The following NBEAL1 variants were observed in gnomAD, a reference collection of about 807,000 sequenced individuals.
NBEAL1 encodes the protein neurobeachin like 1.
A neutral mutation model predicts 351.3 loss-of-function variants in NBEAL1; 273 were observed. The ratio of observed to expected loss-of-function variants is 0.78; its 90% confidence interval spans 0.70 to 0.86. NBEAL1 has a LOEUF of 0.86. Among genes scored for constraint, NBEAL1 ranks in the 40% least tolerant of loss-of-function variants. NBEAL1 has a pLI of 0.00. For missense variants in NBEAL1, 2,961 were observed against 3,201.3 expected (o/e 0.92, Z 1.81); for synonymous variants, 1,050 against 1,086.4 (o/e 0.97, Z 0.66).
intron 2 of NBEAL1, among the ~76,000 whole-genome samples, chr2:203,034,805 C>T (rs781292149): frequency 1.4e-4 from 21 of 148,820 alleles, no homozygotes; most frequent in Admixed American, 9.5e-4. Flanking sequence ...ATCAGAAAAA[C>T]TTGAGGGCTG....
Position 203,068,448 on chromosome 2 carries a change from A to G in NBEAL1, c.571A>G (p.Thr191Ala). The change falls in exon 7 of 56, where the codon ACA becomes GCA. Residue 191 changes from threonine to alanine, a missense_variant. Physicochemically the swap from Thr to Ala is moderately conservative, Grantham distance 58 (BLOSUM62 0). Coordinates refer to ENST00000683969, the MANE Select transcript of NBEAL1 (RefSeq NM_001378026.1). ...ACAGAAATATAAACCAGCTTCTCTC[A>G]CAGTGGAATTCGTCCCTTTCTTTTA... ...SRQKYKPASL[T>A]VEFVPFFYQC... 1 of 1,546,642 alleles carries G rather than the reference A, an allele frequency of 6.5e-7. No individual in the cohort carries two copies. The highest frequency in any genetic ancestry group is 1.4e-5 in the African/African-American group (1 of 73,080).
At chr2:203,193,717 C>T (rs1435432060) in intron 46 of NBEAL1, 78 bp from the exon 47 acceptor site, 1 of 903,908 alleles carries the variant, frequency 1.1e-6, no homozygotes, top group East Asian at 2.5e-5. Context: ...GTAGCTAGAG[C>T]CTAGTGTATA....
intron 39 of NBEAL1, among the ~76,000 whole-genome samples, 165 bp from the exon 40 acceptor site, chr2:203,171,763 C>A (rs1463802220): frequency 3.4e-5 from 5 of 148,248 alleles, no homozygotes; most frequent in African/African-American, 9.9e-5. Context: ...TTTTTAGAGA[C>A]CAATATTTTA....
chr2:203,036,324 A>G (rs1384251674), intron 2 of NBEAL1, among the ~76,000 whole-genome samples: 1 of 149,060 alleles, frequency 6.7e-6, no homozygotes, highest in Non-Finnish European at 1.5e-5. Context: ...TGTGTGTTAA[A>G]TACTTTATGA....
chr2:203,023,608 T>TC (rs2060803525), intron 2 of NBEAL1, among the ~76,000 whole-genome samples: 1 of 151,648 alleles, frequency 6.6e-6, no homozygotes, highest in African/African-American at 2.4e-5. Context: ...CTTGTGTGTT[T>TC]TTTTTTTTTC....
At chr2:203,027,986 C>T (rs1298227409) in intron 2 of NBEAL1, among the ~76,000 whole-genome samples, 3 of 152,026 alleles carry the variant, frequency 2.0e-5, no homozygotes, top group Non-Finnish European at 4.4e-5. Context: ...GGGGTTCAAA[C>T]AATTCTCCTG....
chr2:203,080,545 T>C (rs939236617), intron 8 of NBEAL1, among the ~76,000 whole-genome samples: 3 of 152,212 alleles, frequency 2.0e-5, no homozygotes, highest in Non-Finnish European at 4.4e-5. Flanking sequence ...TTAAAAAATA[T>C]ATTTTTATTC....
intron 24 of NBEAL1, among the ~76,000 whole-genome samples, chr2:203,128,957 G>A (rs2063011033): frequency 6.6e-6 from 1 of 152,184 alleles, no homozygotes; most frequent in Non-Finnish European, 1.5e-5. Flanking sequence ...AATTATAAAT[G>A]TGTGTCTAGT....
chr2:203,089,635 C>G (rs1389643029), intron 10 of NBEAL1, among the ~76,000 whole-genome samples: 1 of 152,122 alleles, frequency 6.6e-6, no homozygotes, highest in East Asian at 1.9e-4. Context: ...ACACACACAC[C>G]ACAAAATTAG....
chr2:203,034,210 T>G (rs2061001498), intron 2 of NBEAL1, among the ~76,000 whole-genome samples: 1 of 150,010 alleles, frequency 6.7e-6, no homozygotes, highest in African/African-American at 2.5e-5. Flanking sequence ...CAGGCTGGAG[T>G]GCAGTAGAGC....
rs1459568950 is a variant in NBEAL1, at chr2:203,172,764, G to A, written c.6234G>A (p.Glu2078=). The change falls in exon 41 of 56, where the codon GAG becomes GAA. Residue 2078 remains glutamate (E), a synonymous_variant. Coordinates refer to ENST00000683969, the MANE Select transcript of NBEAL1 (RefSeq NM_001378026.1). ...TTTTACAAGATTATACTTCGGAAGA[G>A]TTGGACCTTAATAACCCTGCTGTAT... ...PWILQDYTSE[E]LDLNNPAVFR... The A allele has an allele frequency of 6.2e-7, 1 of 1,612,164 alleles. No homozygotes were observed. Among genetic ancestry groups the A allele is most frequent in the Admixed American group, 1.7e-5 (1 of 59,902 alleles).
At chr2:203,119,803 T>C (rs1012953447) in intron 18 of NBEAL1, among the ~76,000 whole-genome samples, 1 of 152,158 alleles carries the variant, frequency 6.6e-6, no homozygotes, top group African/African-American at 2.4e-5. Context: ...CAGTTTACTT[T>C]TGTTTTGTCC....
rs562485245 is a variant in NBEAL1, at chr2:203,133,249, A to T, written c.3813+103A>T. ...GCAGATACAAGTTTTCATTTATTTT[A>T]TAAATGACGTAATTTTATAAGTAAA... is the stretch of plus-strand genomic sequence containing the variant. On this transcript the variant is annotated intron_variant, in intron 27 of 55. Transcript: ENST00000683969. The T allele has an allele frequency of 1.9e-5, 9 of 474,744 alleles. No homozygotes were observed. The East Asian group carries it at 2.9e-4, about 15-fold the overall frequency. 29.4% of individuals were successfully genotyped at this position (474,744 alleles called of 1,614,324 possible).
chr2:203,101,664 T>C (rs1051080528), intron 12 of NBEAL1, among the ~76,000 whole-genome samples: 12 of 152,166 alleles, frequency 7.9e-5, no homozygotes, highest in Admixed American at 5.2e-4. Flanking sequence ...GGCGTGATCC[T>C]AGCTCACTGC....
At chr2:203,027,366 G>A (rs951935838) in intron 2 of NBEAL1, among the ~76,000 whole-genome samples, 3 of 152,156 alleles carry the variant, frequency 2.0e-5, no homozygotes, top group Non-Finnish European at 4.4e-5. Flanking sequence ...ATATCTAAGA[G>A]ATATCAACAT....
intron 7 of NBEAL1, among the ~76,000 whole-genome samples, chr2:203,070,048 C>T (rs184730463): frequency 5.3e-5 from 8 of 152,172 alleles, no homozygotes; most frequent in Admixed American, 4.6e-4. Flanking sequence ...TATCCTTGTT[C>T]CCCCATGTAG....
chr2:203,100,464 CATT>C (rs921706862), intron 12 of NBEAL1, among the ~76,000 whole-genome samples: 44 of 151,528 alleles, frequency 2.9e-4, no homozygotes, highest in African/African-American at 1.0e-3. Context: ...GATGGTATGT[CATT>C]GTGGTTTTGA....
intron 36 of NBEAL1, among the ~76,000 whole-genome samples, chr2:203,162,413 A>G (rs1486864120): frequency 6.6e-6 from 1 of 152,104 alleles, no homozygotes; most frequent in East Asian, 1.9e-4. Flanking sequence ...TACATTATAA[A>G]CTACATATGG....
At chr2:203,105,228 T>C (rs991374143) in intron 12 of NBEAL1, among the ~76,000 whole-genome samples, 6 of 151,852 alleles carry the variant, frequency 4.0e-5, no homozygotes, top group Admixed American at 3.3e-4. Context: ...TTTGGGAGGC[T>C]GAGGCAGGCG....
Sources: gnomAD v4.1 joint callset for allele counts (sites outside exome capture counted in the v4.1 genomes callset) on GRCh38, gnomAD v4.1.1 for gene constraint, MANE v1.5 for transcripts, NCBI Gene and HGNC (gene_info 2026-07-23, HGNC 2026-07-21) for gene names.